MAML3: variants seen among roughly 807,000 people sequenced by gnomAD.
The protein encoded by MAML3 is mastermind like transcriptional coactivator 3.
Under a neutral mutation model 101.9 loss-of-function variants are expected in MAML3, and 27 were observed. That is an observed-to-expected ratio of 0.27 (90% CI 0.20 to 0.37). The LOEUF (loss-of-function observed/expected upper bound fraction) is 0.37. MAML3 is among the 10% of genes least tolerant of loss of function. MAML3 has a pLI of 1.00. For missense variants in MAML3, 1,316 were observed against 1,444.9 expected (o/e 0.91, Z 1.45); for synonymous variants, 501 against 555.9 (o/e 0.90, Z 1.39).
At chr4:139,886,487 T>G (rs1732341165) in intron 2 of MAML3, among the ~76,000 whole-genome samples, 1 of 152,134 alleles carries the variant, frequency 6.6e-6, no homozygotes, top group South Asian at 2.1e-4. Context: ...GAATTCAGTA[T>G]TTAGAATTCC....
chr4:140,152,212 C>T (rs536159779), intron 1 of MAML3, among the ~76,000 whole-genome samples: 173 of 152,304 alleles, frequency 1.1e-3, no homozygotes, highest in African/African-American at 4.0e-3. Context: ...CGCGAGCACC[C>T]CCGCGCGCAG....
intron 1 of MAML3, among the ~76,000 whole-genome samples, chr4:139,911,956 T>C (rs1422808300): frequency 6.6e-6 from 1 of 152,258 alleles, no homozygotes; most frequent in African/African-American, 2.4e-5. Flanking sequence ...ACTTGGTTTA[T>C]CCATTCATTC....
At chr4:139,905,613 A>G (rs1732811091) in intron 1 of MAML3, among the ~76,000 whole-genome samples, 1 of 152,132 alleles carries the variant, frequency 6.6e-6, no homozygotes, top group Non-Finnish European at 1.5e-5. Context: ...TGGGTGGCTC[A>G]AACAACATAC....
chr4:139,891,862 G>T (rs142313866), intron 1 of MAML3, among the ~76,000 whole-genome samples: 1 of 152,092 alleles, frequency 6.6e-6, no homozygotes, highest in Non-Finnish European at 1.5e-5. Context: ...CGTTTCCACC[G>T]GTTTCCACAA....
intron 1 of MAML3, among the ~76,000 whole-genome samples, chr4:140,032,172 T>C (rs1480643442): frequency 6.6e-6 from 1 of 152,248 alleles, no homozygotes; most frequent in Non-Finnish European, 1.5e-5. Flanking sequence ...TTTAGATTGA[T>C]GGTTCTAGAA....
At chr4:140,121,874 G>A (rs550264558) in intron 1 of MAML3, among the ~76,000 whole-genome samples, 1 of 152,094 alleles carries the variant, frequency 6.6e-6, no homozygotes. Flanking sequence ...GGGACCCAGT[G>A]GGGGGTAACT....
At chr4:139,826,892 A>C (rs766907394) in intron 2 of MAML3, among the ~76,000 whole-genome samples, 2 of 151,582 alleles carry the variant, frequency 1.3e-5, no homozygotes, top group Non-Finnish European at 2.9e-5. Context: ...CGCCACTCTC[A>C]TACAAGATAG....
intron 1 of MAML3, among the ~76,000 whole-genome samples, chr4:139,918,965 A>G (rs1188856964): frequency 6.6e-6 from 1 of 152,202 alleles, no homozygotes; most frequent in African/African-American, 2.4e-5. Flanking sequence ...CAAATATTAG[A>G]GAAAAAACAT....
At chr4:139,769,557 T>A (rs1578591898) in intron 2 of MAML3, among the ~76,000 whole-genome samples, 1 of 152,070 alleles carries the variant, frequency 6.6e-6, no homozygotes, top group Non-Finnish European at 1.5e-5. Flanking sequence ...CATGTAAATA[T>A]GACACTTATG....
At chr4:140,070,877 G>T (rs556556219) in intron 1 of MAML3, among the ~76,000 whole-genome samples, 1 of 152,306 alleles carries the variant, frequency 6.6e-6, no homozygotes, top group South Asian at 2.1e-4. Context: ...AAGTAGAAAG[G>T]CCCCTTCCCT....
chr4:139,730,968 G>A (rs907637814), intron 2 of MAML3: 1 of 388,092 alleles, frequency 2.6e-6, no homozygotes, highest in Non-Finnish European at 4.7e-6. Flanking sequence ...CTAACATCCT[G>A]TGTTCCTCCA....
In MAML3 at chr4:139,971,249, C is replaced by A. The variant is rs904700407; in HGVS notation, c.469-80282G>T. Among the ~76,000 whole-genome samples, 24 of 152,230 alleles carry A rather than the reference C, an allele frequency of 1.6e-4. 1 individual carries two copies. The highest frequency in any genetic ancestry group is 5.3e-4 in the African/African-American group (22 of 41,450). On this transcript the variant is annotated intron_variant, in intron 1 of 4. Coordinates refer to ENST00000509479, the MANE Select transcript of MAML3 (RefSeq NM_018717.5). Reference sequence around the variant, plus strand: ...CCTAAACTGCACTGCAACTACAACTCATCACGAGCCTCCCAGGCCCCTCTC... The same window carrying A: ...CCTAAACTGCACTGCAACTACAACTAATCACGAGCCTCCCAGGCCCCTCTC...
chr4:140,077,221 C>T (rs563297870), intron 1 of MAML3, among the ~76,000 whole-genome samples: 4 of 152,284 alleles, frequency 2.6e-5, no homozygotes, highest in African/African-American at 9.6e-5. Flanking sequence ...GTTCTTTAAC[C>T]TGAAATGCCA....
At chr4:140,071,949 T>C (rs755274151) in intron 1 of MAML3, among the ~76,000 whole-genome samples, 24 of 152,126 alleles carry the variant, frequency 1.6e-4, no homozygotes, top group Non-Finnish European at 3.1e-4. Flanking sequence ...TGTGTTCATG[T>C]CTGAGATATG....
intron 1 of MAML3, among the ~76,000 whole-genome samples, chr4:140,026,368 C>G (rs1726824782): frequency 1.3e-5 from 2 of 152,134 alleles, no homozygotes; most frequent in Admixed American, 1.3e-4. Flanking sequence ...GATTCTCATG[C>G]TTCAGCCTCC....
chr4:139,921,434 C>G (rs754501595), intron 1 of MAML3, among the ~76,000 whole-genome samples: 2 of 152,182 alleles, frequency 1.3e-5, no homozygotes, highest in Non-Finnish European at 2.9e-5. Flanking sequence ...ACAAATTCAA[C>G]ACCACCATTC....
chr4:139,742,144 CTTTTCTTTT>C (rs1403211665), intron 2 of MAML3, among the ~76,000 whole-genome samples: 14 of 128,692 alleles, frequency 1.1e-4, no homozygotes, highest in Admixed American at 2.5e-4. Flanking sequence ...CTTTTCTTTT[CTTTTCTTTT>C]TTTTTTTTTT....
At chr4:140,011,873 G>GA (rs1205620625) in intron 1 of MAML3, among the ~76,000 whole-genome samples, 7 of 151,942 alleles carry the variant, frequency 4.6e-5, no homozygotes, top group South Asian at 2.1e-4. Flanking sequence ...TTCCACCACT[G>GA]AAAAAAGGTG....
chr4:139,828,562 G>C (rs546797574), intron 2 of MAML3, among the ~76,000 whole-genome samples: 1 of 152,294 alleles, frequency 6.6e-6, no homozygotes, highest in Admixed American at 6.5e-5. Context: ...GAGCATCATG[G>C]AGTTGAAAGT....
Sources: allele counts gnomAD v4.1 joint callset (sites outside exome capture counted in the v4.1 genomes callset), GRCh38; gene constraint gnomAD v4.1.1; transcripts MANE v1.5; gene names NCBI Gene and HGNC (gene_info 2026-07-23, HGNC 2026-07-21).